Variants in VWDE observed in about 807,000 individuals in gnomAD.
VWDE encodes von Willebrand factor D and EGF domains.
A neutral mutation model predicts 178.4 loss-of-function variants in VWDE; 207 were observed. The ratio of observed to expected loss-of-function variants is 1.16; its 90% confidence interval spans 1.04 to 1.30. VWDE has a LOEUF of 1.30. Among genes scored for constraint, VWDE ranks in the 50% most tolerant of loss-of-function variants. The pLI, the probability that VWDE is intolerant of heterozygous loss-of-function variation, is 0.00. For missense variants in VWDE, 2,287 were observed against 1,901.3 expected (o/e 1.20, Z -3.77); for synonymous variants, 738 against 651.4 (o/e 1.13, Z -2.02).
chr7:12,361,139 A>T lies in VWDE; in HGVS notation c.3159+8T>A. The T allele has an allele frequency of 6.8e-7, 1 of 1,474,090 alleles. No individual in the cohort carries two copies. The highest frequency in any genetic ancestry group is 9.2e-7 in the Non-Finnish European group (1 of 1,084,682). The allele number at this position is 1,474,090 out of a possible 1,614,324, so 91.3% of individuals were successfully genotyped here. A position where few individuals can be genotyped will look rare whatever the true frequency, so the allele number is the denominator to read the frequency against. On this transcript the variant is annotated splice_region_variant and intron_variant, in intron 15 of 28. Coordinates refer to ENST00000275358, the MANE Select transcript of VWDE (RefSeq NM_001135924.3). Reference sequence around the variant, plus strand: ...GTAAATGTGAAAATACATGAAAAAAATACATACCTTTATAGTACATGAGTC... The same window carrying T: ...GTAAATGTGAAAATACATGAAAAAATTACATACCTTTATAGTACATGAGTC...
intron 19 of VWDE, among the ~76,000 whole-genome samples, chr7:12,348,941 C>G (rs564050663): frequency 6.6e-6 from 1 of 151,692 alleles, no homozygotes; most frequent in Admixed American, 6.6e-5. Flanking sequence ...ATGGATGAAA[C>G]TGGAAATCAT....
chr7:12,352,770 T>A (rs1466958809), intron 18 of VWDE, among the ~76,000 whole-genome samples: 1 of 152,150 alleles, frequency 6.6e-6, no homozygotes, highest in African/African-American at 2.4e-5. Flanking sequence ...TACATAATTG[T>A]CATCAAAAAG....
At chr7:12,374,238 A>G (rs1434670242) in intron 9 of VWDE, among the ~76,000 whole-genome samples, 1 of 152,098 alleles carries the variant, frequency 6.6e-6, no homozygotes, top group Non-Finnish European at 1.5e-5. Flanking sequence ...CCAGGTATCC[A>G]TAATAGTTAT....
intron 1 of VWDE, among the ~76,000 whole-genome samples, chr7:12,402,395 G>A (rs1012155853): frequency 4.1e-4 from 63 of 151,956 alleles, no homozygotes; most frequent in African/African-American, 1.5e-3. Context: ...CATTTACCTC[G>A]TCTTCTAGTT....
chr7:12,336,876 A>T (rs1380677643), intron 26 of VWDE, 112 bp downstream of exon 26: 2 of 1,059,114 alleles, frequency 1.9e-6, no homozygotes, highest in Non-Finnish European at 2.7e-6. Context: ...AAATATGCAA[A>T]AATTTTAAAA....
rs1156633092 is a variant in VWDE at position 12,375,329 on chromosome 7, T to C, written c.1025-102A>G. ...GAAACACTGAATTGTAAGATTATTC[T>C]CAAATTATTTTCTCTTTCTTAAAAC... On this transcript the variant is annotated intron_variant, in intron 7 of 28. Transcript: ENST00000275358. 9.2e-6 allele frequency: 9 copies of C among 980,262 alleles called. No individual in the cohort carries two copies. In the Admixed American group the frequency reaches 1.9e-4, roughly 21 times the overall value. The allele number at this position is 980,262 out of a possible 1,614,324, so 60.7% of individuals were successfully genotyped here. A position where few individuals can be genotyped will look rare whatever the true frequency, so the allele number is the denominator to read the frequency against.
At chr7:12,362,523 C>T (rs1322435924) in intron 13 of VWDE, among the ~76,000 whole-genome samples, 1 of 152,020 alleles carries the variant, frequency 6.6e-6, no homozygotes, top group Admixed American at 6.6e-5. Flanking sequence ...GAGAAGCCAG[C>T]ATAATGTTCC....
intron 18 of VWDE, among the ~76,000 whole-genome samples, chr7:12,355,308 C>G (rs1782170731): frequency 6.6e-6 from 1 of 150,988 alleles, no homozygotes; most frequent in South Asian, 2.1e-4. Flanking sequence ...CCCAGCCACT[C>G]GGGAGGCTGA....
chr7:12,377,505 A>T (rs141783039), intron 7 of VWDE: 5 of 229,392 alleles, frequency 2.2e-5, no homozygotes, highest in African/African-American at 1.1e-4. Context: ...AAAAAAGAGG[A>T]GCGAGAGGAA....
intron 27 of VWDE, among the ~76,000 whole-genome samples, chr7:12,335,858 A>G (rs1340103449): frequency 6.6e-6 from 1 of 152,196 alleles, no homozygotes; most frequent in Admixed American, 6.5e-5. Flanking sequence ...CTATATATCA[A>G]TACCTTCTTT....
intron 19 of VWDE, among the ~76,000 whole-genome samples, chr7:12,349,536 C>A (rs1390966354): frequency 1.3e-5 from 2 of 150,382 alleles, no homozygotes; most frequent in Non-Finnish European, 3.0e-5. Flanking sequence ...AATCTTAATG[C>A]TTTCATATAA....
At chr7:12,386,207 A>G (rs1377127935) in intron 3 of VWDE, among the ~76,000 whole-genome samples, 1 of 152,238 alleles carries the variant, frequency 6.6e-6, no homozygotes, top group Non-Finnish European at 1.5e-5. Flanking sequence ...TTTTTATGAC[A>G]AGAGTGCCAA....
intron 7 of VWDE, among the ~76,000 whole-genome samples, chr7:12,376,780 G>A (rs139112251): frequency 6.6e-6 from 1 of 152,042 alleles, no homozygotes; most frequent in East Asian, 1.9e-4. Flanking sequence ...GAGCGAGTAG[G>A]TAGGTATTAC....
chr7:12,369,755 C>T lies in VWDE; in HGVS notation c.2551G>A (p.Ala851Thr), dbSNP rs1444575581. The change falls in exon 12 of 29, where the codon GCA becomes ACA. Residue 851 changes from alanine (A) to threonine (T), a missense_variant. By Grantham distance (58) the Ala-to-Thr change is moderately conservative. Transcript: ENST00000275358. ...TCTAAAAGGGCCACACCTGCTTCTG[C>T]CCAACTAAGATCATCTTTTAACAGA... ...DVLLKDDLSW[A>T]EAGVALLENE... 11 of 1,551,476 alleles carry T rather than the reference C, an allele frequency of 7.1e-6. No individual in the cohort carries two copies. Among genetic ancestry groups the T allele is most frequent in the Non-Finnish European group, 9.6e-6 (11 of 1,146,920 alleles).
chr7:12,361,455 C>T lies in VWDE; in HGVS notation c.2965G>A (p.Ala989Thr). Residue 989 changes from alanine to threonine, a missense_variant, in exon 14 of 29, where the codon GCT becomes ACT. Ala to Thr is a moderately conservative substitution (Grantham distance 58, BLOSUM62 0). Transcript: ENST00000275358. ...TCAGTGGGCAGCTGACAATCAACAG[C>T]TCTGCTATTGTGGAAAACAGTCTGT... ...YTQTVFHNSR[A>T]VDCQLPTDVQ... is the part of the protein sequence containing the mutation. 1.9e-6 allele frequency: 3 copies of T among 1,551,218 alleles called. No homozygotes were observed. The highest frequency in any genetic ancestry group is 2.6e-6 in the Non-Finnish European group (3 of 1,146,670).
intron 22 of VWDE, 41 bp from the exon 23 acceptor site, chr7:12,342,195 G>T (rs1179972874): frequency 3.3e-6 from 5 of 1,509,798 alleles, no homozygotes; most frequent in Non-Finnish European, 4.5e-6. Context: ...ATTAGGCTTG[G>T]AGTAGTCATA....
intron 15 of VWDE, among the ~76,000 whole-genome samples, chr7:12,360,687 G>A (rs1042270602): frequency 2.6e-5 from 4 of 152,092 alleles, no homozygotes; most frequent in Non-Finnish European, 5.9e-5. Flanking sequence ...CTGCACTGCT[G>A]TTCTGTAATC....
chr7:12,398,842 TG>T, intron 1 of VWDE, among the ~76,000 whole-genome samples: 1 of 152,130 alleles, frequency 6.6e-6, no homozygotes, highest in East Asian at 1.9e-4. Context: ...AGCTAAACAT[TG>T]GGTACCCACA....
At chr7:12,349,133 G>A (rs765604288) in intron 19 of VWDE, among the ~76,000 whole-genome samples, 7 of 152,002 alleles carry the variant, frequency 4.6e-5, no homozygotes, top group South Asian at 2.1e-4. Context: ...GCTAGATGAC[G>A]AGTTAGTGGG....
Sources: gnomAD v4.1 joint callset for allele counts (sites outside exome capture counted in the v4.1 genomes callset) on GRCh38, gnomAD v4.1.1 for gene constraint, MANE v1.5 for transcripts, NCBI Gene and HGNC (gene_info 2026-07-23, HGNC 2026-07-21) for gene names.